Variants in FCHO1 observed in about 807,000 individuals in gnomAD.
The protein encoded by FCHO1 is F-BAR domain only protein 1.
FCHO1 carries 45 observed loss-of-function variants against 114.4 expected under a neutral mutation model. The observed-to-expected ratio is 0.39, with a 90% CI of 0.31 to 0.50. The LOEUF (loss-of-function observed/expected upper bound fraction) is 0.50. Ranked by LOEUF, FCHO1 falls within the 20% of genes least tolerant of loss-of-function variation. The pLI is 0.77. For synonymous variants in FCHO1, 480 were observed against 488.9 expected (o/e 0.98, Z 0.24); for missense variants, 1,042 against 1,209.6 (o/e 0.86, Z 2.06).
rs1056015964 is a variant in FCHO1 at position 17,781,636 on chromosome 19, G to A, written c.1829-76G>A. On this transcript the variant is annotated intron_variant, in intron 22 of 28. Coordinates refer to ENST00000596536, the MANE Select transcript of FCHO1 (RefSeq NM_015122.3). ...TCTGTTGGCAGAGGTGTGGTTGGGC[G>A]GAGGGAGTCTCGAGCCTGGAGCCTA... The A allele has an allele frequency of 3.8e-5, 59 of 1,545,262 alleles. No homozygotes were observed. The South Asian group carries it at 3.9e-4, about 10-fold the overall frequency.
At chr19:17,772,826 T>A in intron 11 of FCHO1, 85 bp downstream of exon 11, 2 of 947,562 alleles carry the variant, frequency 2.1e-6, no homozygotes, top group Non-Finnish European at 3.2e-6. Flanking sequence ...TAATTTTTTT[T>A]TTATTTTTTT....
Position 17,766,826 on chromosome 19 carries a change from G to A in FCHO1, c.336+16G>A, listed in dbSNP as rs372337585. On this transcript the variant is annotated intron_variant, in intron 7 of 28. Transcript: ENST00000596536. ...CCACAAGAAGGTGTGTGTCGTGGGC[G>A]CCGCCCAGCGGCTGGGTGGGTGTGG... 8.7e-6 allele frequency: 14 copies of A among 1,605,894 alleles called. No homozygotes were observed. The highest frequency in any genetic ancestry group is 1.3e-5 in the African/African-American group (1 of 74,808).
At chr19:17,753,103 C>T (rs1304637042) in intron 1 of FCHO1, among the ~76,000 whole-genome samples, 1 of 152,010 alleles carries the variant, frequency 6.6e-6, no homozygotes, top group African/African-American at 2.4e-5. Context: ...AAAATTAAGT[C>T]ACCACATGGG....
chr19:17,782,885 G>C (rs866605861), intron 23 of FCHO1, 132 bp from the exon 24 acceptor site: 34 of 963,810 alleles, frequency 3.5e-5, no homozygotes, highest in Non-Finnish European at 5.2e-5. Flanking sequence ...AGGATACGGG[G>C]GATCATCAGG....
intron 13 of FCHO1, chr19:17,774,835 TC>T (rs1307704293): frequency 1.7e-6 from 1 of 587,808 alleles, no homozygotes; most frequent in African/African-American, 1.9e-5. Context: ...GTTCCAGGAT[TC>T]CTTCCCTCCC....
In FCHO1 at chr19:17,762,745, A is replaced by G. The variant is rs761682380; in HGVS notation, c.28-17A>G. 1 of 1,584,914 alleles carries G rather than the reference A, an allele frequency of 6.3e-7. No individual in the cohort carries two copies. The highest frequency in any genetic ancestry group is 8.7e-7 in the Non-Finnish European group (1 of 1,153,238). ...TTCTCTCCATCCTTTCTCAATCTCT[A>G]TTCCCATCCCCTGCAGGGCGAGAAA... On this transcript the variant is annotated splice_polypyrimidine_tract_variant and intron_variant, in intron 4 of 28. Transcript: ENST00000596536.
intron 7 of FCHO1, among the ~76,000 whole-genome samples, chr19:17,769,976 C>A (rs941049179): frequency 2.6e-5 from 4 of 151,636 alleles, no homozygotes; most frequent in Non-Finnish European, 5.9e-5. Flanking sequence ...CCAGCCTGGG[C>A]AACATAGCAA....
upstream of FCHO1, among the ~76,000 whole-genome samples, chr19:17,748,511 G>T (rs540195834): frequency 9.2e-5 from 14 of 151,812 alleles, no homozygotes; most frequent in East Asian, 1.9e-4. Context: ...TGGACTTGGG[G>T]GGGGGGTCCC....
At position 17,778,876 on chromosome 19, in the gene FCHO1, C is replaced by T; in HGVS notation, c.1619C>T (p.Ala540Val). ...SPGPWGLEAL[A>V]GGDLMPAPAD... ...GGCCCCTGGGGGCTGGAGGCCTTGG[C>T]CGGAGGAGGTGAGTCCAGCGGGCCT... Residue 540 changes from alanine (A) to valine (V), a missense_variant, in exon 20 of 29, where the codon GCC becomes GTC. Coordinates refer to ENST00000596536, the MANE Select transcript of FCHO1 (RefSeq NM_015122.3). 2 of 1,561,500 alleles carry T rather than the reference C, an allele frequency of 1.3e-6. No individual in the cohort carries two copies. Among genetic ancestry groups the T allele is most frequent in the Non-Finnish European group, 1.7e-6 (2 of 1,161,692 alleles).
intron 27 of FCHO1, 133 bp downstream of exon 27, chr19:17,786,762 C>T (rs562378690): frequency 6.3e-5 from 61 of 971,776 alleles, no homozygotes; most frequent in Admixed American, 2.9e-4. Flanking sequence ...TCTTTAAAAG[C>T]TGGAGGAGGG....
At chr19:17,754,395 T>G (rs2082806151) in intron 2 of FCHO1, 34 bp downstream of exon 2, 1 of 152,782 alleles carries the variant, frequency 6.5e-6, no homozygotes, top group Non-Finnish European at 1.5e-5. Flanking sequence ...GGGTTGGGAC[T>G]CGTGGGGGCA....
intron 18 of FCHO1, 121 bp from the exon 19 acceptor site, chr19:17,778,016 C>T: frequency 1.5e-6 from 1 of 666,194 alleles, no homozygotes; most frequent in Admixed American, 2.6e-5. Flanking sequence ...TGCAGCCTGG[C>T]CGACAGAGCA....
chr19:17,776,266 C>T lies in FCHO1; in HGVS notation c.1202C>T (p.Ser401Phe). The T allele has an allele frequency of 6.2e-7, 1 of 1,614,168 alleles. No homozygotes were observed. Among genetic ancestry groups the T allele is most frequent in the South Asian group, 1.1e-5 (1 of 91,080 alleles). The change falls in exon 17 of 29, where the codon TCT (serine) becomes TTT (phenylalanine). Residue 401 changes from serine (S) to phenylalanine (F), a missense_variant. Coordinates refer to ENST00000596536, the MANE Select transcript of FCHO1 (RefSeq NM_015122.3). The surrounding 1 kb of genome is among the most constrained non-coding windows in gnomAD (Gnocchi z 4.4). The part of the protein sequence containing the change: ...PGPGGTMKRH[S>F]SRDAAGKPQR... ...CCACAGGGCACCATGAAACGCCATT[C>T]TTCACGTGAGTAGCCTTTGGTCTTC...
rs1192546533 is a variant in FCHO1, at chr19:17,778,823, C to T, written c.1566C>T (p.Asp522=). 2.6e-6 allele frequency: 4 copies of T among 1,552,916 alleles called. No individual in the cohort carries two copies. In the African/African-American group the frequency reaches 5.4e-5, roughly 21 times the overall value. Reference sequence around the variant, plus strand: ...GTATCCGGGCACCGCCTCTGCCAGACTCGCCGCAGCCCCTCGCCTCGTCTC... The same window carrying T: ...GTATCCGGGCACCGCCTCTGCCAGATTCGCCGCAGCCCCTCGCCTCGTCTC... ...ARGIRAPPLP[D]SPQPLASSPG... is the part of the protein sequence containing the mutation. Residue 522 remains aspartate (D), a synonymous_variant, in exon 20 of 29, where the codon GAC becomes GAT. Coordinates refer to ENST00000596536, the MANE Select transcript of FCHO1 (RefSeq NM_015122.3).
rs963149783 is a variant in FCHO1, at chr19:17,776,423, G to C, written c.1207+152G>C. 2 of 1,156,512 alleles carry C rather than the reference G, an allele frequency of 1.7e-6. No individual in the cohort carries two copies. The highest frequency in any genetic ancestry group is 3.0e-5 in the African/African-American group (2 of 66,008). 71.6% of individuals were successfully genotyped at this position (1,156,512 alleles called of 1,614,324 possible). On this transcript the variant is annotated intron_variant, in intron 17 of 28. Coordinates refer to ENST00000596536, the MANE Select transcript of FCHO1 (RefSeq NM_015122.3). This position sits in a 1 kb window ranked among gnomAD's most constrained non-coding sequence, Gnocchi z 4.4. ...CTTTTCTGTAAAATGAGGTCATTAT[G>C]AAATTAAGTGAGAGCTGAAAGGGGT...
Position 17,770,501 on chromosome 19 carries a change from G to T in FCHO1, c.413G>T (p.Arg138Leu), listed in dbSNP as rs763511675. 6.2e-7 allele frequency: 1 copy of T among 1,613,848 alleles called. No individual in the cohort carries two copies. The highest frequency in any genetic ancestry group is 1.3e-5 in the African/African-American group (1 of 74,932). ...SGVSQLLPKS[R>L]ENYLNRCMDQ... ...GTCAGCCAGCTCCTGCCCAAGTCCC[G>T]CGAGAACTACCTGAACCGTTGCATG... Residue 138 changes from arginine to leucine, a missense_variant, in exon 8 of 29, where the codon CGC becomes CTC. Transcript: ENST00000596536.
chr19:17,783,256 G>C, intron 24 of FCHO1, 84 bp downstream of exon 24: 4 of 1,417,228 alleles, frequency 2.8e-6, no homozygotes, highest in Non-Finnish European at 3.8e-6. Context: ...TCTGCTTCCT[G>C]GGATTTTTTC....
chr19:17,752,497 T>C (rs965471188), intron 1 of FCHO1: 1 of 149,324 alleles, frequency 6.7e-6, no homozygotes, highest in Admixed American at 6.8e-5. Flanking sequence ...TGACCTCAAG[T>C]GATCCACCCA....
Position 17,776,514 on chromosome 19 carries a change from G to A in FCHO1, c.1208-121G>A. 8.4e-7 allele frequency: 1 copy of A among 1,185,494 alleles called. No individual in the cohort carries two copies. Among genetic ancestry groups the A allele is most frequent in the Non-Finnish European group, 1.3e-6 (1 of 798,764 alleles). The allele number at this position is 1,185,494 out of a possible 1,614,324, so 73.4% of individuals were successfully genotyped here. On this transcript the variant is annotated intron_variant, in intron 17 of 28. Transcript: ENST00000596536. The surrounding 1 kb of genome is among the most constrained non-coding windows in gnomAD (Gnocchi z 4.4). The stretch of plus-strand genomic sequence containing the variant: ...CTTAGGCTTGAATCCATGTCTGCCT[G>A]ATTTGCTGATCACCTTGGGCAACTG...
Sources: allele counts gnomAD v4.1 joint callset (sites outside exome capture counted in the v4.1 genomes callset), GRCh38; gene constraint gnomAD v4.1.1; non-coding constraint Gnocchi (gnomAD v3.1); transcripts MANE v1.5; gene names NCBI Gene and HGNC (gene_info 2026-07-23, HGNC 2026-07-21).